SMC4: variants seen among roughly 807,000 people sequenced by gnomAD.
SMC4 encodes the protein structural maintenance of chromosomes protein 4.
SMC4 carries 87 observed loss-of-function variants against 145.6 expected under a neutral mutation model. That is an observed-to-expected ratio of 0.60 (90% CI 0.50 to 0.71). The LOEUF (loss-of-function observed/expected upper bound fraction) is 0.71. Ranked by LOEUF, SMC4 falls within the 30% of genes least tolerant of loss-of-function variation. The pLI is 0.00. For synonymous variants in SMC4, 558 were observed against 500.7 expected (o/e 1.11, Z -1.53); for missense variants, 1,447 against 1,537.1 (o/e 0.94, Z 0.98).
intron 2 of SMC4, 140 bp downstream of exon 2, chr3:160,401,105 A>C (rs1001776749): frequency 6.8e-6 from 8 of 1,184,958 alleles, no homozygotes; most frequent in Non-Finnish European, 8.8e-6. Context: ...AGGCTCAGGA[A>C]AGCCATTTGG....
chr3:160,410,827 A>G (rs1267934647), intron 5 of SMC4, among the ~76,000 whole-genome samples: 3 of 152,218 alleles, frequency 2.0e-5, no homozygotes, highest in African/African-American at 7.2e-5. Context: ...CACTTAGGAA[A>G]TAGGAATCAC....
intron 15 of SMC4, 61 bp downstream of exon 15, chr3:160,423,901 A>G: frequency 7.4e-7 from 1 of 1,344,832 alleles, no homozygotes. Context: ...TTACCGAGGT[A>G]TATACTTACT....
intron 19 of SMC4, 126 bp from the exon 20 acceptor site, chr3:160,430,906 T>A (rs1235385691): frequency 8.0e-7 from 1 of 1,254,882 alleles, no homozygotes; most frequent in Non-Finnish European, 1.1e-6. Flanking sequence ...TTTGTGAATT[T>A]AAATGCTTAA....
chr3:160,433,527 A>T, intron 23 of SMC4, 130 bp from the exon 24 acceptor site: 2 of 610,442 alleles, frequency 3.3e-6, no homozygotes, highest in Non-Finnish European at 5.6e-6. Context: ...TGTTTTATGA[A>T]TTATTCCTGC....
At chr3:160,432,862 C>T (rs1442245857) in intron 22 of SMC4, 164 bp from the exon 23 acceptor site, 1 of 600,224 alleles carries the variant, frequency 1.7e-6, no homozygotes, top group Non-Finnish European at 2.9e-6. Context: ...TATGCATCCT[C>T]CAATAACGTT....
At chr3:160,401,604 T>C (rs775434296) in intron 2 of SMC4, among the ~76,000 whole-genome samples, 2 of 152,168 alleles carry the variant, frequency 1.3e-5, no homozygotes, top group Non-Finnish European at 2.9e-5. Flanking sequence ...CTTGTTACGG[T>C]TTTCCCAGAT....
At chr3:160,429,069 T>G in intron 18 of SMC4, 127 bp downstream of exon 18, 1 of 739,494 alleles carries the variant, frequency 1.4e-6, no homozygotes, top group Non-Finnish European at 2.1e-6. Flanking sequence ...TCTGACACAT[T>G]ACCTAATGGG....
rs1345007648 is a variant in SMC4 at position 160,423,416 on chromosome 3, T to C, written c.2020-9T>C. On this transcript the variant is annotated splice_polypyrimidine_tract_variant and intron_variant, in intron 13 of 23. Coordinates refer to ENST00000357388, the MANE Select transcript of SMC4 (RefSeq NM_001002800.3). ...TGTTGTTTTTGTTTGTTTGTTTGTT[T>C]ACTTTTAGATGGCTGTATGGGCGAA... The C allele has an allele frequency of 2.0e-6, 3 of 1,490,716 alleles. No homozygotes were observed. Among genetic ancestry groups the C allele is most frequent in the Admixed American group, 1.9e-5 (1 of 51,526 alleles). The allele number at this position is 1,490,716 out of a possible 1,614,324, so 92.3% of individuals were successfully genotyped here.
At chr3:160,424,022 A>G (rs1025743746) in intron 15 of SMC4, among the ~76,000 whole-genome samples, 182 bp downstream of exon 15, 2 of 152,330 alleles carry the variant, frequency 1.3e-5, no homozygotes, top group South Asian at 2.1e-4. Flanking sequence ...AGAAAACAAA[A>G]TATTAATCAG....
At position 160,430,592 on chromosome 3, in the gene SMC4, T is replaced by A. The variant is rs199708658; in HGVS notation, c.2796-7T>A. 1.2e-5 allele frequency: 18 copies of A among 1,554,214 alleles called. No homozygotes were observed. The highest frequency in any genetic ancestry group is 1.2e-5 in the South Asian group (1 of 80,346). On this transcript the variant is annotated splice_region_variant and splice_polypyrimidine_tract_variant and intron_variant, in intron 18 of 23. Transcript: ENST00000357388. ...CACATTTTTGATGCATCATTTTGCT[T>A]CTTTAGAAACCTTCAAAAGGCACAA...
chr3:160,420,689 G>A, intron 12 of SMC4, 51 bp from the exon 13 acceptor site: 1 of 1,582,344 alleles, frequency 6.3e-7, no homozygotes, highest in East Asian at 2.2e-5. Context: ...GAATGAAATG[G>A]TCCTGTGCTT....
rs577144697 is a variant in SMC4 at position 160,404,130 on chromosome 3, G to T, written c.511-198G>T. ...CTTGATTTTTGTGATCTTTGAGAAA[G>T]GGACCAAAACAGCATGGAAAAGTAT... is the stretch of plus-strand genomic sequence containing the variant. On this transcript the variant is annotated intron_variant, in intron 4 of 23. Transcript: ENST00000357388. 1.9e-4 allele frequency: 94 copies of T among 486,100 alleles called. 2 individuals are homozygous for T. The South Asian group carries it at 2.9e-3, about 15-fold the overall frequency. The allele number at this position is 486,100 out of a possible 1,614,324, so 30.1% of individuals were successfully genotyped here.
intron 6 of SMC4, 117 bp from the exon 7 acceptor site, chr3:160,412,207 CTT>C (rs1447241105): frequency 1.4e-5 from 20 of 1,414,724 alleles, no homozygotes; most frequent in Middle Eastern, 2.0e-4. Flanking sequence ...AAATTTATAT[CTT>C]AACATTTAAG....
chr3:160,433,752 C>A lies in SMC4; in HGVS notation c.3810C>A (p.Asn1270Lys). ...TTATTGGAATTTACAAGACATACAA[C>A]ATAACAAAAAGTGTTGCTGTAAATC... is the stretch of plus-strand genomic sequence containing the variant. ...DRLIGIYKTY[N>K]ITKSVAVNPK... The change falls in exon 24 of 24, where the codon AAC (asparagine) becomes AAA (lysine). Residue 1270 changes from asparagine (N) to lysine (K), a missense_variant. Transcript: ENST00000357388. The A allele has an allele frequency of 6.2e-7, 1 of 1,600,520 alleles. No individual in the cohort carries two copies. The highest frequency in any genetic ancestry group is 8.5e-7 in the Non-Finnish European group (1 of 1,173,938).
At chr3:160,405,343 C>G (rs900260522) in intron 5 of SMC4, among the ~76,000 whole-genome samples, 6 of 149,050 alleles carry the variant, frequency 4.0e-5, no homozygotes, top group Non-Finnish European at 7.4e-5. Flanking sequence ...TAGGGTAAAA[C>G]CATGGCTTTG....
At position 160,404,387 on chromosome 3, in the gene SMC4, C is replaced by T. The variant is rs771630267; in HGVS notation, c.570C>T (p.Cys190=). The change falls in exon 5 of 24, where the codon TGC becomes TGT. Residue 190 remains cysteine (C), a synonymous_variant. Coordinates refer to ENST00000357388, the MANE Select transcript of SMC4 (RefSeq NM_001002800.3). ...ATTTCTATGTATCCAGAACGGCCTG[C>T]AGAGATAATACTTCTGTCTATCACA... ...NSNFYVSRTA[C]RDNTSVYHIS... is the part of the protein sequence containing the mutation. 1 of 1,610,810 alleles carries T rather than the reference C, an allele frequency of 6.2e-7. No homozygotes were observed. Among genetic ancestry groups the T allele is most frequent in the Non-Finnish European group, 8.5e-7 (1 of 1,178,914 alleles).
Position 160,416,338 on chromosome 3 carries a change from G to C in SMC4, c.1360G>C (p.Glu454Gln). 1.3e-6 allele frequency: 2 copies of C among 1,598,706 alleles called. No homozygotes were observed. The highest frequency in any genetic ancestry group is 1.7e-6 in the Non-Finnish European group (2 of 1,172,882). Residue 454 changes from glutamate to glutamine, a missense_variant, in exon 10 of 24, where the codon GAG (glutamate) becomes CAG (glutamine). Coordinates refer to ENST00000357388, the MANE Select transcript of SMC4 (RefSeq NM_001002800.3). Reference sequence around the variant, plus strand: ...AAACAATGCCCTCGAGAAGGAAAAAGAGAAAGAAGAAAAAAAATTAAAGGA... The same window carrying C: ...AAACAATGCCCTCGAGAAGGAAAAACAGAAAGAAGAAAAAAAATTAAAGGA... ...TRNNALEKEK[E>Q]KEEKKLKEVM...
rs754486842 is a variant in SMC4 at position 160,413,652 on chromosome 3, A to G, written c.1121+39A>G. 3 of 1,065,666 alleles carry G rather than the reference A, an allele frequency of 2.8e-6. No homozygotes were observed. The East Asian group carries it at 8.4e-5, about 30-fold the overall frequency. The allele number at this position is 1,065,666 out of a possible 1,614,324, so 66.0% of individuals were successfully genotyped here. A position where few individuals can be genotyped will look rare whatever the true frequency, so the allele number is the denominator to read the frequency against. ...GGGAAGTACTAAAAGTATTTAGATA[A>G]TTGTATTACATGTGTATTTATATAT... is the stretch of plus-strand genomic sequence containing the variant. On this transcript the variant is annotated intron_variant, in intron 8 of 23. Coordinates refer to ENST00000357388, the MANE Select transcript of SMC4 (RefSeq NM_001002800.3).
chr3:160,401,005 G>A, intron 2 of SMC4, 40 bp downstream of exon 2: 4 of 1,365,368 alleles, frequency 2.9e-6, no homozygotes, highest in Non-Finnish European at 3.7e-6. Context: ...CGCGCGCTGT[G>A]GGACTGGCAG....
Sources: allele counts gnomAD v4.1 joint callset (sites outside exome capture counted in the v4.1 genomes callset), GRCh38; gene constraint gnomAD v4.1.1; transcripts MANE v1.5; gene names NCBI Gene and HGNC (gene_info 2026-07-23, HGNC 2026-07-21).